The following CAST variants were observed in gnomAD, a reference collection of about 807,000 sequenced individuals.
The protein encoded by CAST is calpastatin.
Under a neutral mutation model 119.6 loss-of-function variants are expected in CAST, and 76 were observed. The ratio of observed to expected loss-of-function variants is 0.64; its 90% CI spans 0.53 to 0.77. CAST has a LOEUF of 0.77. Among genes scored for constraint, CAST ranks in the 30% least tolerant of loss-of-function variants. CAST has a pLI of 0.00. For synonymous variants in CAST, 319 were observed against 331.6 expected (o/e 0.96, Z 0.41); for missense variants, 953 against 946.5 (o/e 1.01, Z -0.09).
intron 3 of CAST, among the ~76,000 whole-genome samples, chr5:96,696,686 T>TAAAAAAAAAAAAAAAAAAA (rs57199097): frequency 1.4e-4 from 14 of 97,172 alleles, no homozygotes; most frequent in Non-Finnish European, 2.5e-4. Context: ...CTTTCTCTCC[T>TAAAAAAAAAAAAAAAAAAA]AAAAAAAAAA....
rs1268194740 is a variant in CAST at position 96,741,502 on chromosome 5, A to G, written c.1020A>G (p.Thr340=). The change falls in exon 15 of 32, where the codon ACA becomes ACG. Residue 340 remains threonine (T), a synonymous_variant. Coordinates refer to ENST00000675179, the MANE Select transcript of CAST (RefSeq NM_001750.7). ...TGTATTTTGTTTTTCAGGAATCTACAGAAGTTTTAAAAGCTCAGTCAGCAG... is the reference window on the plus strand; with the variant it reads ...TGTATTTTGTTTTTCAGGAATCTACGGAAGTTTTAAAAGCTCAGTCAGCAG... The part of the protein sequence containing the change: ...AGKKTEKEES[T]EVLKAQSAGT... The G allele has an allele frequency of 6.2e-7, 1 of 1,612,472 alleles. No homozygotes were observed. The highest frequency in any genetic ancestry group is 8.5e-7 in the Non-Finnish European group (1 of 1,178,576).
chr5:96,585,441 G>A (rs1463993231), intron 1 of CAST, among the ~76,000 whole-genome samples: 1 of 152,038 alleles, frequency 6.6e-6, no homozygotes, highest in East Asian at 1.9e-4. Context: ...ATAGAATACA[G>A]GCTGCCTCTC....
the CAST span, among the ~76,000 whole-genome samples, chr5:96,437,357 A>C: frequency 6.6e-6 from 1 of 152,216 alleles, no homozygotes; most frequent in Non-Finnish European, 1.5e-5. Context: ...GGATAATTAA[A>C]TGTGGCCATA....
At chr5:96,363,922 C>T in the CAST span, among the ~76,000 whole-genome samples, 7 of 152,090 alleles carry the variant, frequency 4.6e-5, no homozygotes, top group Non-Finnish European at 7.4e-5. Context: ...GTTTTCAAAG[C>T]AAATGCTTCC....
At chr5:96,383,460 G>T in the CAST span, among the ~76,000 whole-genome samples, 11 of 152,188 alleles carry the variant, frequency 7.2e-5, no homozygotes, top group African/African-American at 2.6e-4. Context: ...GTTTTGTTTT[G>T]TTTTTGAGGT....
chr5:96,648,238 T>A (rs914287170), intron 1 of CAST, among the ~76,000 whole-genome samples: 1 of 152,224 alleles, frequency 6.6e-6, no homozygotes, highest in Non-Finnish European at 1.5e-5. Flanking sequence ...TTCCCCTCTT[T>A]CAAAACCCAC....
the CAST span, among the ~76,000 whole-genome samples, chr5:96,319,430 G>A: frequency 2.0e-5 from 3 of 152,178 alleles, no homozygotes; most frequent in Non-Finnish European, 2.9e-5. Context: ...AGCTTGTACA[G>A]TTGATAAGAA....
the CAST span, among the ~76,000 whole-genome samples, chr5:96,109,352 A>C: frequency 6.6e-6 from 1 of 152,254 alleles, no homozygotes; most frequent in South Asian, 2.1e-4. Context: ...ATAAAGAATA[A>C]ATGTAATCAG....
At chr5:96,025,258 G>A in the CAST span, among the ~76,000 whole-genome samples, 3 of 152,018 alleles carry the variant, frequency 2.0e-5, no homozygotes, top group Non-Finnish European at 4.4e-5. Context: ...TCCTATTTCT[G>A]GTTTCTATGA....
chr5:96,393,182 T>C, the CAST span: 2 of 1,614,164 alleles, frequency 1.2e-6, no homozygotes, highest in Non-Finnish European at 1.7e-6. Flanking sequence ...ATAAGGGATG[T>C]TGAGCTTTGC....
At chr5:96,002,696 C>T in the CAST span, among the ~76,000 whole-genome samples, 1 of 152,138 alleles carries the variant, frequency 6.6e-6, no homozygotes, top group Non-Finnish European at 1.5e-5. Context: ...GAATGGCTGG[C>T]AGACACAAAC....
chr5:96,592,510 C>T (rs993254704), intron 1 of CAST, among the ~76,000 whole-genome samples: 16 of 152,148 alleles, frequency 1.1e-4, no homozygotes, highest in African/African-American at 3.6e-4. Context: ...GGTTCTTTCT[C>T]ACTTTTTTAT....
At chr5:96,373,934 G>A in the CAST span, among the ~76,000 whole-genome samples, 2 of 152,018 alleles carry the variant, frequency 1.3e-5, no homozygotes, top group Non-Finnish European at 2.9e-5. Flanking sequence ...TTTTTGCAGA[G>A]ACAGGATCTC....
At chr5:96,407,643 C>T in the CAST span, among the ~76,000 whole-genome samples, 1 of 152,130 alleles carries the variant, frequency 6.6e-6, no homozygotes, top group Non-Finnish European at 1.5e-5. Context: ...TATTTACTGA[C>T]AATGGTGTTT....
chr5:96,076,208 G>C, the CAST span, among the ~76,000 whole-genome samples: 3,976 of 152,234 alleles, frequency 0.026, 46 homozygotes, highest in Middle Eastern at 0.099. Context: ...TAAAGGAAAA[G>C]GTCAAATAAC....
Position 96,762,292 on chromosome 5 carries a change from C to T in CAST, c.1852C>T (p.Leu618Phe), listed in dbSNP as rs375069165. ...ATAAAAGAAATTTGAAGATGCTAAA[C>T]TTGCTGCTGCCATCTCTGAAGTGGT... is the stretch of plus-strand genomic sequence containing the variant. Reference protein sequence around the residue: ...ASSLKFEDAKLAAAISEVVSQ... With the variant: ...ASSLKFEDAKFAAAISEVVSQ... The change falls in exon 25 of 32, where the codon CTT becomes TTT. Residue 618 changes from leucine (L) to phenylalanine (F), a missense_variant. Coordinates refer to ENST00000675179, the MANE Select transcript of CAST (RefSeq NM_001750.7). 6 of 1,606,596 alleles carry T rather than the reference C, an allele frequency of 3.7e-6. No homozygotes were observed. Among genetic ancestry groups the T allele is most frequent in the Admixed American group, 3.5e-5 (2 of 57,846 alleles).
At chr5:96,193,481 C>T in the CAST span, among the ~76,000 whole-genome samples, 1 of 152,114 alleles carries the variant, frequency 6.6e-6, no homozygotes, top group Non-Finnish European at 1.5e-5. Flanking sequence ...ATTTGAATGG[C>T]AGCATTGATG....
chr5:96,038,697 G>A, the CAST span, among the ~76,000 whole-genome samples: 1 of 152,000 alleles, frequency 6.6e-6, no homozygotes, highest in East Asian at 1.9e-4. Flanking sequence ...CAAAGGACAT[G>A]AACTCATCCT....
chr5:96,602,314 A>G (rs538575445), intron 1 of CAST, among the ~76,000 whole-genome samples: 1 of 152,314 alleles, frequency 6.6e-6, no homozygotes, highest in South Asian at 2.1e-4. Flanking sequence ...TTACATTTCT[A>G]CTATGTGCTG....
Sources: gnomAD v4.1 joint callset for allele counts (sites outside exome capture counted in the v4.1 genomes callset) on GRCh38, gnomAD v4.1.1 for gene constraint, MANE v1.5 for transcripts, NCBI Gene and HGNC (gene_info 2026-07-23, HGNC 2026-07-21) for gene names.